EYS: variants seen among roughly 807,000 people sequenced by gnomAD.
The protein encoded by EYS is EGF-like photoreceptor maintenance factor.
Under a neutral mutation model 282.1 loss-of-function variants are expected in EYS, and 250 were observed. That is an observed-to-expected ratio of 0.89 (90% confidence interval 0.80 to 0.98). EYS has a LOEUF of 0.98. Among genes scored for constraint, EYS ranks in the 50% least tolerant of loss-of-function variants. The pLI is 0.00. For missense variants in EYS, 4,016 were observed against 3,709.0 expected (o/e 1.08, Z -2.15); for synonymous variants, 1,355 against 1,282.9 (o/e 1.06, Z -1.20).
At chr6:64,405,231 T>C (rs1021590541) in intron 28 of EYS, among the ~76,000 whole-genome samples, 1 of 152,150 alleles carries the variant, frequency 6.6e-6, no homozygotes, top group Non-Finnish European at 1.5e-5. Context: ...ATATCTTAAT[T>C]AACCCATCCT....
At chr6:64,118,447 C>T (rs1773463498) in intron 31 of EYS, among the ~76,000 whole-genome samples, 1 of 152,070 alleles carries the variant, frequency 6.6e-6, no homozygotes, top group African/African-American at 2.4e-5. Context: ...AAAGGACAGG[C>T]TCTTCAACAA....
chr6:64,460,681 T>A (rs186234118), intron 26 of EYS, among the ~76,000 whole-genome samples: 13 of 152,376 alleles, frequency 8.5e-5, no homozygotes, highest in Admixed American at 6.5e-4. Flanking sequence ...TATGGTCTAA[T>A]GGTCCTCCTC....
intron 26 of EYS, among the ~76,000 whole-genome samples, chr6:64,542,668 T>A (rs1368455874): frequency 6.6e-6 from 1 of 152,014 alleles, no homozygotes; most frequent in Non-Finnish European, 1.5e-5. Context: ...GATTATAAAA[T>A]AACACATATA....
chr6:65,495,328 A>G lies in EYS; in HGVS notation c.83T>C (p.Leu28Ser). ...GGGTTGTGGATGCCATTCTTCCACCAATTGCCGTCTACATGTTTTTCCATT... is the reference window on the plus strand; with the variant it reads ...GGGTTGTGGATGCCATTCTTCCACCGATTGCCGTCTACATGTTTTTCCATT... ...FINGKTCRRQ[L>S]VEEWHPQPSS... The change falls in exon 4 of 43, where the codon TTG becomes TCG. Residue 28 changes from leucine (L) to serine (S), a missense_variant. Transcript: ENST00000503581. 1.2e-6 allele frequency: 2 copies of G among 1,614,012 alleles called. No individual in the cohort carries two copies. Among genetic ancestry groups the G allele is most frequent in the South Asian group, 1.1e-5 (1 of 91,082 alleles).
At chr6:65,042,628 A>T (rs1484648846) in intron 13 of EYS, among the ~76,000 whole-genome samples, 1 of 151,322 alleles carries the variant, frequency 6.6e-6, no homozygotes, top group Non-Finnish European at 1.5e-5. Flanking sequence ...TATTATTGTC[A>T]TATTTGTTAT....
At chr6:64,748,168 T>C (rs944745386) in intron 22 of EYS, among the ~76,000 whole-genome samples, 8 of 152,218 alleles carry the variant, frequency 5.3e-5, no homozygotes, top group African/African-American at 1.9e-4. Flanking sequence ...GTAACTTTTG[T>C]TCTTGTGCTA....
chr6:64,239,959 GC>G (rs1459550811), intron 30 of EYS, among the ~76,000 whole-genome samples: 6 of 152,156 alleles, frequency 3.9e-5, no homozygotes, highest in Non-Finnish European at 8.8e-5. Flanking sequence ...TCCAGTTTAA[GC>G]TTTTTGCATA....
At chr6:64,995,154 T>A (rs915095977) in intron 14 of EYS, among the ~76,000 whole-genome samples, 5 of 152,148 alleles carry the variant, frequency 3.3e-5, no homozygotes, top group African/African-American at 1.2e-4. Context: ...GTTATGCAGG[T>A]GCTTCATGTC....
At chr6:63,869,833 T>C (rs1429623880) in intron 35 of EYS, among the ~76,000 whole-genome samples, 1 of 152,064 alleles carries the variant, frequency 6.6e-6, no homozygotes, top group Non-Finnish European at 1.5e-5. Context: ...GTGTAGGGTA[T>C]TGTGGGTGAA....
At position 64,813,522 on chromosome 6, in the gene EYS, C is replaced by G. The variant is rs1168933491; in HGVS notation, c.3299G>C (p.Gly1100Ala). 2.6e-6 allele frequency: 4 copies of G among 1,550,272 alleles called. No individual in the cohort carries two copies. In the South Asian group the frequency reaches 4.8e-5, roughly 18 times the overall value. ...NEGFCQKSAHGFTCICPRGYT... is the reference protein window; with the variant it reads ...NEGFCQKSAHAFTCICPRGYT... Reference sequence around the variant, plus strand: ...TCCACGTGGGCAAATGCAAGTAAATCCATGTGCTGACTTCTGACAGAAGCC... The same window carrying G: ...TCCACGTGGGCAAATGCAAGTAAATGCATGTGCTGACTTCTGACAGAAGCC... Residue 1100 changes from glycine to alanine, a missense_variant, in exon 22 of 43, where the codon GGA (glycine) becomes GCA (alanine). By Grantham distance (60) the Gly-to-Ala change is moderately conservative. Transcript: ENST00000503581.
At chr6:63,895,905 G>GTTTTTTT (rs10705427) in intron 35 of EYS, among the ~76,000 whole-genome samples, 36 of 124,354 alleles carry the variant, frequency 2.9e-4, no homozygotes, top group African/African-American at 9.2e-4. Flanking sequence ...ATCATGATTT[G>GTTTTTTT]TTTTTTTTTT....
chr6:64,945,644 C>A, intron 15 of EYS, 149 bp downstream of exon 15: 1 of 625,758 alleles, frequency 1.6e-6, no homozygotes, highest in Non-Finnish European at 2.5e-6. Context: ...CAAATGATTG[C>A]GACACCATCT....
intron 35 of EYS, among the ~76,000 whole-genome samples, chr6:63,897,929 G>C (rs1051757913): frequency 6.6e-6 from 1 of 152,142 alleles, no homozygotes; most frequent in Non-Finnish European, 1.5e-5. Flanking sequence ...TGTTTCTGAG[G>C]GAGATGAAGC....
chr6:64,291,852 C>T (rs1582544757), intron 30 of EYS, among the ~76,000 whole-genome samples: 1 of 151,870 alleles, frequency 6.6e-6, no homozygotes, highest in South Asian at 2.1e-4. Flanking sequence ...GAAGATTATT[C>T]TTGTAAATTT....
In EYS at chr6:64,590,503, G is replaced by A. The variant is rs1766369813; in HGVS notation, c.5364C>T (p.Thr1788=). 1.3e-6 allele frequency: 2 copies of A among 1,551,394 alleles called. No homozygotes were observed. The highest frequency in any genetic ancestry group is 8.7e-7 in the Non-Finnish European group (1 of 1,146,798). The part of the protein sequence containing the change: ...TGSVPDFSEV[T]TNVAFYTVSA... ...AAACTGTATAAAATGCAACATTGGT[G>A]GTGACTTCTGAAAAATCAGGCACTG... Residue 1788 remains threonine, a synonymous_variant, in exon 26 of 43, where the codon ACC becomes ACT. Coordinates refer to ENST00000503581, the MANE Select transcript of EYS (RefSeq NM_001142800.2).
chr6:65,484,137 C>CA (rs55699254), intron 5 of EYS, among the ~76,000 whole-genome samples: 22,293 of 144,138 alleles, frequency 0.15, 3,337 homozygotes, highest in African/African-American at 0.39. Context: ...CAAAATATTT[C>CA]AAAAAAAAAA....
intron 12 of EYS, among the ~76,000 whole-genome samples, chr6:65,287,633 T>C (rs1768404488): frequency 1.3e-5 from 2 of 151,414 alleles, no homozygotes; most frequent in African/African-American, 4.8e-5. Context: ...AATCAGATTC[T>C]GAAAAAAAAC....
intron 37 of EYS, among the ~76,000 whole-genome samples, chr6:63,800,688 C>G (rs751225590): frequency 3.3e-4 from 50 of 152,068 alleles, no homozygotes; most frequent in Non-Finnish European, 6.0e-4. Flanking sequence ...GCCTGTAATC[C>G]CAGCTACTCA....
At chr6:64,195,165 C>G (rs1277925486) in intron 31 of EYS, among the ~76,000 whole-genome samples, 1 of 152,046 alleles carries the variant, frequency 6.6e-6, no homozygotes, top group Non-Finnish European at 1.5e-5. Flanking sequence ...AACTGCATCC[C>G]TTTCTTCTAG....
Sources: allele counts gnomAD v4.1 joint callset (sites outside exome capture counted in the v4.1 genomes callset), GRCh38; gene constraint gnomAD v4.1.1; transcripts MANE v1.5; gene names NCBI Gene and HGNC (gene_info 2026-07-23, HGNC 2026-07-21).